FREM1: variants seen among roughly 807,000 people sequenced by gnomAD.
The protein encoded by FREM1 is FRAS1 related extracellular matrix 1.
A neutral mutation model predicts 210.1 loss-of-function variants in FREM1; 220 were observed. The observed-to-expected ratio is 1.05, with a 90% CI of 0.94 to 1.17. The LOEUF is 1.17. Ranked by LOEUF, FREM1 falls within the 50% of genes most tolerant of loss-of-function variation. FREM1 has a pLI of 0.00. For missense variants in FREM1, 3,454 were observed against 2,675.5 expected (o/e 1.29, Z -6.42); for synonymous variants, 1,189 against 980.2 (o/e 1.21, Z -3.98).
At chr9:14,743,415 C>T (rs1841898608) in intron 35 of FREM1, among the ~76,000 whole-genome samples, 2 of 151,888 alleles carry the variant, frequency 1.3e-5, no homozygotes, top group South Asian at 2.1e-4. Flanking sequence ...TTATAAGTTG[C>T]TATTATTTCA....
Position 14,907,635 on chromosome 9 carries a change from G to A in FREM1, c.-268+2279C>T, listed in dbSNP as rs1818007273. Among the ~76,000 whole-genome samples, 4 of 152,318 alleles carry A rather than the reference G, an allele frequency of 2.6e-5. No homozygotes were observed. In the South Asian group the frequency reaches 8.3e-4, roughly 32 times the overall value. ...ATCCCATTGTAAGGAATGGCTACAT[G>A]CCCTGAAAAGATTACACTTGTCTAA... On this transcript the variant is annotated intron_variant, in intron 1 of 36. Transcript: ENST00000380880.
intron 22 of FREM1, among the ~76,000 whole-genome samples, chr9:14,790,230 T>A (rs1269540099): frequency 6.6e-6 from 1 of 152,084 alleles, no homozygotes; most frequent in East Asian, 1.9e-4. Flanking sequence ...GACTCCCAGT[T>A]CCTGGCAAAA....
chr9:14,854,045 G>A (rs1056794095), intron 5 of FREM1, among the ~76,000 whole-genome samples: 1 of 152,136 alleles, frequency 6.6e-6, no homozygotes, highest in African/African-American at 2.4e-5. Flanking sequence ...CAATTGCCAG[G>A]AGAAAGGATC....
At chr9:14,806,315 G>A (rs531852417) in intron 18 of FREM1, among the ~76,000 whole-genome samples, 4 of 149,654 alleles carry the variant, frequency 2.7e-5, no homozygotes, top group African/African-American at 9.9e-5. Flanking sequence ...GAGTGCAATG[G>A]CACAATCTCA....
At chr9:14,878,774 T>G (rs1325361680) in intron 1 of FREM1, among the ~76,000 whole-genome samples, 1 of 152,150 alleles carries the variant, frequency 6.6e-6, no homozygotes, top group Non-Finnish European at 1.5e-5. Flanking sequence ...GTTAACTAAG[T>G]GAATAAATTG....
intron 35 of FREM1, among the ~76,000 whole-genome samples, chr9:14,741,711 CT>C (rs1181287585): frequency 1.3e-5 from 2 of 152,240 alleles, no homozygotes; most frequent in Non-Finnish European, 2.9e-5. Context: ...TAGGATTCTA[CT>C]TCCTGATTAC....
chr9:14,811,133 A>G (rs1819320096), intron 16 of FREM1, among the ~76,000 whole-genome samples: 1 of 152,226 alleles, frequency 6.6e-6, no homozygotes, highest in South Asian at 2.1e-4. Context: ...AGAAAACGTT[A>G]ACATTCAAAT....
intron 5 of FREM1, among the ~76,000 whole-genome samples, chr9:14,854,770 T>C (rs759232687): frequency 1.3e-5 from 2 of 152,022 alleles, no homozygotes; most frequent in Non-Finnish European, 2.9e-5. Context: ...TTATCATCAA[T>C]AACCATTGAG....
rs183761742 is a variant in FREM1, at chr9:14,799,244, C to T, written c.3695-1602G>A. On this transcript the variant is annotated intron_variant, in intron 20 of 36. Coordinates refer to ENST00000380880, the MANE Select transcript of FREM1 (RefSeq NM_001379081.2). The stretch of plus-strand genomic sequence containing the variant: ...CAGGCTGGAGTGAACTGTGATTGCA[C>T]AACCACAATCCAGCCTAAGTGACAG... 3.7e-4 allele frequency among the ~76,000 whole-genome samples: 55 copies of T among 150,282 alleles called. 1 individual carries two copies. The East Asian group carries it at 3.9e-3, about 11-fold the overall frequency.
At chr9:14,874,478 T>C (rs1337631845) in intron 1 of FREM1, among the ~76,000 whole-genome samples, 1 of 150,356 alleles carries the variant, frequency 6.7e-6, no homozygotes, top group Non-Finnish European at 1.5e-5. Context: ...TATCAGAGAC[T>C]AGGATTGCAA....
At chr9:14,866,384 A>G (rs1183856173) in intron 2 of FREM1, among the ~76,000 whole-genome samples, 1 of 152,200 alleles carries the variant, frequency 6.6e-6, no homozygotes, top group Non-Finnish European at 1.5e-5. Flanking sequence ...CTAAAGATAT[A>G]TAATGGGGAC....
chr9:14,854,869 A>C (rs1828432386), intron 5 of FREM1, among the ~76,000 whole-genome samples: 1 of 152,100 alleles, frequency 6.6e-6, no homozygotes, highest in Non-Finnish European at 1.5e-5. Context: ...TGCTCACCTT[A>C]CATGAAGGAA....
intron 10 of FREM1, among the ~76,000 whole-genome samples, chr9:14,838,467 T>A (rs1010323170): frequency 1.3e-5 from 2 of 150,228 alleles, no homozygotes; most frequent in Non-Finnish European, 3.0e-5. Context: ...TATCGGAGTT[T>A]TAAATATAAA....
chr9:14,845,465 C>T (rs984304754), intron 8 of FREM1, among the ~76,000 whole-genome samples: 20 of 152,026 alleles, frequency 1.3e-4, no homozygotes, highest in African/African-American at 4.3e-4. Context: ...CCACCATGCC[C>T]GGCTAATTTT....
chr9:14,903,837 T>C (rs1817160352), intron 1 of FREM1, among the ~76,000 whole-genome samples: 1 of 152,094 alleles, frequency 6.6e-6, no homozygotes, highest in South Asian at 2.1e-4. Flanking sequence ...CTTAGACATT[T>C]CTGGCCGGGT....
At chr9:14,756,554 T>C in intron 28 of FREM1, 108 bp from the exon 29 acceptor site, 1 of 739,816 alleles carries the variant, frequency 1.4e-6, no homozygotes, top group East Asian at 3.0e-5. Flanking sequence ...AAATCTGTTT[T>C]TAATATTAGG....
intron 5 of FREM1, among the ~76,000 whole-genome samples, chr9:14,855,888 A>G (rs1452427454): frequency 6.6e-6 from 1 of 152,132 alleles, no homozygotes; most frequent in Non-Finnish European, 1.5e-5. Context: ...TTTTTTTTCA[A>G]TGGATATAAT....
chr9:14,788,872 C>A, intron 23 of FREM1, 47 bp downstream of exon 23: 1 of 1,462,074 alleles, frequency 6.8e-7, no homozygotes, highest in Non-Finnish European at 9.4e-7. Context: ...ATACTTATAC[C>A]AGTTAGCAAA....
chr9:14,825,482 C>G (rs1276338779), intron 10 of FREM1, among the ~76,000 whole-genome samples: 2 of 123,372 alleles, frequency 1.6e-5, no homozygotes, highest in East Asian at 4.4e-4. Context: ...GAATGAGACT[C>G]CATTTCAAAA....
Sources: allele counts gnomAD v4.1 joint callset (sites outside exome capture counted in the v4.1 genomes callset), GRCh38; gene constraint gnomAD v4.1.1; transcripts MANE v1.5; gene names NCBI Gene and HGNC (gene_info 2026-07-23, HGNC 2026-07-21).